Variants in KYNU observed in about 807,000 individuals in gnomAD.
KYNU encodes the protein L-kynurenine hydrolase.
Under a neutral mutation model 59.2 loss-of-function variants are expected in KYNU, and 54 were observed. The observed-to-expected ratio is 0.91, with a 90% CI of 0.73 to 1.14. The LOEUF (loss-of-function observed/expected upper bound fraction) is 1.14. Ranked by LOEUF, KYNU falls within the 50% of genes most tolerant of loss-of-function variation. The probability of loss-of-function intolerance (pLI) is 0.00; values close to 1 mark genes in which losing one functional copy is unlikely to be tolerated. For missense variants in KYNU, 567 were observed against 554.4 expected (o/e 1.02, Z -0.23); for synonymous variants, 177 against 192.0 (o/e 0.92, Z 0.65).
chr2:142,974,392 A>C (rs760740493), intron 8 of KYNU, among the ~76,000 whole-genome samples: 1 of 152,202 alleles, frequency 6.6e-6, no homozygotes, highest in Non-Finnish European at 1.5e-5. Context: ...GTAGGATTTA[A>C]CCTTTTATCT....
At chr2:142,972,751 G>T (rs1684761615) in intron 8 of KYNU, among the ~76,000 whole-genome samples, 1 of 148,718 alleles carries the variant, frequency 6.7e-6, no homozygotes, top group African/African-American at 2.5e-5. Context: ...ATATGAATTT[G>T]CCATTTATAG....
In KYNU at chr2:143,046,962, T is replaced by C. The variant is rs2104932215; in HGVS notation, c.*4790T>C. On this transcript the variant is annotated 3_prime_UTR_variant, in exon 14 of 14. Transcript: ENST00000264170. Reference sequence around the variant, plus strand: ...TATTTTCATTTATTTATGATTTCTTTAATGCTTCTCAAAATTTTTTATTTT... The same window carrying C: ...TATTTTCATTTATTTATGATTTCTTCAATGCTTCTCAAAATTTTTTATTTT... 1 of 152,330 alleles carries C rather than the reference T, an allele frequency of 6.6e-6. No homozygotes were observed. Among genetic ancestry groups the C allele is most frequent in the South Asian group, 2.1e-4 (1 of 4,830 alleles). The allele number at this position is 152,330 out of a possible 1,614,324, so 9.4% of individuals were successfully genotyped here. A position where few individuals can be genotyped will look rare whatever the true frequency, so the allele number is the denominator to read the frequency against.
chr2:143,055,210 G>A lies in KYNU; in HGVS notation c.*13038G>A, dbSNP rs1236902213. 6.6e-6 allele frequency: 1 copy of A among 152,160 alleles called. No individual in the cohort carries two copies. Among genetic ancestry groups the A allele is most frequent in the Non-Finnish European group, 1.5e-5 (1 of 68,020 alleles). 9.4% of individuals were successfully genotyped at this position (152,160 alleles called of 1,614,324 possible). On this transcript the variant is annotated 3_prime_UTR_variant, in exon 14 of 14. Coordinates refer to ENST00000264170, the MANE Select transcript of KYNU (RefSeq NM_003937.3). ...ACATTTATTATCTTACAGTTCCATA[G>A]GTTAGAAGTTCAACATGGGTCTCAT...
intron 8 of KYNU, among the ~76,000 whole-genome samples, chr2:142,982,425 A>G (rs76494682): frequency 0.044 from 6,748 of 152,186 alleles, 288 homozygotes; most frequent in East Asian, 0.21. Flanking sequence ...AATAAATTAG[A>G]AACTTCCTAC....
chr2:142,920,688 T>C (rs972720773), intron 3 of KYNU, among the ~76,000 whole-genome samples: 7 of 152,252 alleles, frequency 4.6e-5, no homozygotes, highest in Non-Finnish European at 1.5e-5. Flanking sequence ...AAAGGCTGTA[T>C]ATTTTAATGC....
chr2:142,907,039 A>G (rs1682321315), intron 2 of KYNU, among the ~76,000 whole-genome samples: 4 of 152,132 alleles, frequency 2.6e-5, no homozygotes. Context: ...TTTTCCTCCA[A>G]TTCTAAGGTA....
At chr2:142,900,204 C>T (rs1284912556) in intron 2 of KYNU, among the ~76,000 whole-genome samples, 1 of 152,188 alleles carries the variant, frequency 6.6e-6, no homozygotes, top group African/African-American at 2.4e-5. Context: ...TCAGGAGTGG[C>T]AGCGGGCGCC....
intron 2 of KYNU, among the ~76,000 whole-genome samples, chr2:142,886,012 G>A (rs1256605965): frequency 6.6e-6 from 1 of 152,140 alleles, no homozygotes; most frequent in Admixed American, 6.5e-5. Flanking sequence ...TGTAAAGATG[G>A]CGAGTGTAAG....
intron 3 of KYNU, among the ~76,000 whole-genome samples, chr2:142,926,554 T>C (rs576406070): frequency 5.6e-4 from 85 of 152,234 alleles, no homozygotes; most frequent in Admixed American, 1.2e-3. Context: ...TATGGGGTGA[T>C]AGGGAAGAAG....
At chr2:142,881,763 TA>T (rs200796754) in intron 1 of KYNU, among the ~76,000 whole-genome samples, 2,000 of 152,156 alleles carry the variant, frequency 0.013, 26 homozygotes, top group Admixed American at 0.02. Context: ...AATTTTTTTT[TA>T]AACAGTCATG....
In KYNU at chr2:142,908,835, T is replaced by C. The variant is rs187201911; in HGVS notation, c.170-9774T>C. Among the ~76,000 whole-genome samples the C allele has an allele frequency of 5.2e-3, 793 of 152,206 alleles. 5 individuals carry two copies. Among genetic ancestry groups the C allele is most frequent in the Non-Finnish European group, 6.4e-3 (436 of 68,006 alleles). On this transcript the variant is annotated intron_variant, in intron 2 of 13. Coordinates refer to ENST00000264170, the MANE Select transcript of KYNU (RefSeq NM_003937.3). ...ATTTTTAGTAGAGACAGGGTTTCAC[T>C]GTGTTAGCCAGGATGGTCTTGATCT... is the stretch of plus-strand genomic sequence containing the variant.
intron 2 of KYNU, among the ~76,000 whole-genome samples, chr2:142,897,932 C>A (rs1423711217): frequency 6.6e-6 from 1 of 152,002 alleles, no homozygotes; most frequent in African/African-American, 2.4e-5. Flanking sequence ...GACAGGATGT[C>A]CCTTTGTCAT....
chr2:143,037,059 T>C (rs1686911475), intron 12 of KYNU, among the ~76,000 whole-genome samples: 1 of 152,234 alleles, frequency 6.6e-6, no homozygotes, highest in Non-Finnish European at 1.5e-5. Flanking sequence ...TTGATTGATA[T>C]AAAAAATAGC....
chr2:142,904,914 C>T lies in KYNU; in HGVS notation c.170-13695C>T, dbSNP rs186117487. 4.1e-4 allele frequency among the ~76,000 whole-genome samples: 63 copies of T among 152,264 alleles called. No homozygotes were observed. The East Asian group carries it at 5.8e-3, about 14-fold the overall frequency. ...TCCGGGCTGCTGGATTCTAGTGGTC[C>T]TTTACCAGCGTGCCCAACATTGCCT... On this transcript the variant is annotated intron_variant, in intron 2 of 13. Coordinates refer to ENST00000264170, the MANE Select transcript of KYNU (RefSeq NM_003937.3).
At chr2:142,932,264 A>T (rs1196790440) in intron 4 of KYNU, among the ~76,000 whole-genome samples, 1 of 152,144 alleles carries the variant, frequency 6.6e-6, no homozygotes, top group African/African-American at 2.4e-5. Flanking sequence ...TTTGAGAGTG[A>T]GGAAGAACAA....
At chr2:142,955,213 A>T (rs1204835450) in intron 5 of KYNU, among the ~76,000 whole-genome samples, 1 of 152,066 alleles carries the variant, frequency 6.6e-6, no homozygotes, top group African/African-American at 2.4e-5. Flanking sequence ...CAATTTTCTA[A>T]TGGCTTCAGC....
rs1687099655 is a variant in KYNU, at chr2:143,042,951, A to G, written c.*779A>G. 1 of 151,814 alleles carries G rather than the reference A, an allele frequency of 6.6e-6. No individual in the cohort carries two copies. The highest frequency in any genetic ancestry group is 2.4e-5 in the African/African-American group (1 of 41,362). 9.4% of individuals were successfully genotyped at this position (151,814 alleles called of 1,614,324 possible). A position where few individuals can be genotyped will look rare whatever the true frequency, so the allele number is the denominator to read the frequency against. On this transcript the variant is annotated 3_prime_UTR_variant, in exon 14 of 14. Coordinates refer to ENST00000264170, the MANE Select transcript of KYNU (RefSeq NM_003937.3). ...TCTTCTATTTGATAAAATAGTCTAAATAGCAAAAATAAAAGTTTTTACAAT... is the reference window on the plus strand; with the variant it reads ...TCTTCTATTTGATAAAATAGTCTAAGTAGCAAAAATAAAAGTTTTTACAAT...
chr2:143,016,915 G>T (rs935706189), intron 10 of KYNU, among the ~76,000 whole-genome samples: 2 of 151,924 alleles, frequency 1.3e-5, no homozygotes, highest in African/African-American at 2.4e-5. Context: ...TTAGTAGTCC[G>T]CAGTGTCTGT....
At chr2:142,896,053 G>A (rs1434716920) in intron 2 of KYNU, among the ~76,000 whole-genome samples, 1 of 151,930 alleles carries the variant, frequency 6.6e-6, no homozygotes, top group African/African-American at 2.4e-5. Context: ...ATTTATAAAT[G>A]TAAAAACATT....
Sources: gnomAD v4.1 joint callset for allele counts (sites outside exome capture counted in the v4.1 genomes callset) on GRCh38, gnomAD v4.1.1 for gene constraint, MANE v1.5 for transcripts, NCBI Gene and HGNC (gene_info 2026-07-23, HGNC 2026-07-21) for gene names.